EML5: variants seen among roughly 807,000 people sequenced by gnomAD.
EML5 encodes EMAP like 5.
EML5 carries 120 observed loss-of-function variants against 250.0 expected under a neutral mutation model. That is an observed-to-expected ratio of 0.48 (90% CI 0.41 to 0.56). The LOEUF is 0.56. Ranked by LOEUF, EML5 falls within the 20% of genes least tolerant of loss-of-function variation. The pLI, the probability that EML5 is intolerant of heterozygous loss-of-function variation, is 0.00. For synonymous variants in EML5, 771 were observed against 806.5 expected (o/e 0.96, Z 0.75); for missense variants, 2,006 against 2,437.6 (o/e 0.82, Z 3.73).
At chr14:88,713,619 ATTT>A (rs71130004) in intron 9 of EML5, among the ~76,000 whole-genome samples, 1 of 130,208 alleles carries the variant, frequency 7.7e-6, no homozygotes, top group Non-Finnish European at 1.6e-5. Context: ...CAACCTGCTC[ATTT>A]TTTTTTTTTT....
At chr14:88,618,113 A>G (rs1595186509) in intron 41 of EML5, 115 bp downstream of exon 41, 1 of 758,874 alleles carries the variant, frequency 1.3e-6, no homozygotes, top group East Asian at 2.7e-5. Context: ...TATGGTAACA[A>G]AAACTTGAAA....
At chr14:88,701,961 G>A (rs947112897) in intron 14 of EML5, among the ~76,000 whole-genome samples, 2 of 152,036 alleles carry the variant, frequency 1.3e-5, no homozygotes, top group African/African-American at 4.8e-5. Context: ...CATATAGAGA[G>A]GTATCAGTTA....
chr14:88,758,848 A>G (rs1008924209), intron 1 of EML5, among the ~76,000 whole-genome samples: 1 of 152,240 alleles, frequency 6.6e-6, no homozygotes, highest in African/African-American at 2.4e-5. Flanking sequence ...GCATTAATAC[A>G]TGCTACAACA....
In EML5 at chr14:88,614,615, A is replaced by G. The variant is rs1470160586; in HGVS notation, c.*1203T>C. 1 of 152,238 alleles carries G rather than the reference A, an allele frequency of 6.6e-6. No individual in the cohort carries two copies. Among genetic ancestry groups the G allele is most frequent in the Non-Finnish European group, 1.5e-5 (1 of 68,042 alleles). The allele number at this position is 152,238 out of a possible 1,614,324, so 9.4% of individuals were successfully genotyped here. A position where few individuals can be genotyped will look rare whatever the true frequency, so the allele number is the denominator to read the frequency against. On this transcript the variant is annotated 3_prime_UTR_variant, in exon 44 of 44. Coordinates refer to ENST00000554922, the MANE Select transcript of EML5 (RefSeq NM_183387.3). Reference sequence around the variant, plus strand: ...TCTTAAACCTCACACTTAGAAAAATATATTTTTAAATAGCAGTCTACATAA... The same window carrying G: ...TCTTAAACCTCACACTTAGAAAAATGTATTTTTAAATAGCAGTCTACATAA...
chr14:88,746,090 G>T, intron 3 of EML5, 95 bp downstream of exon 3: 1 of 936,514 alleles, frequency 1.1e-6, no homozygotes. Context: ...TGACCTATCT[G>T]GCAATAACAA....
Position 88,714,954 on chromosome 14 carries a change from A to G in EML5, c.1429T>C (p.Phe477Leu). ...QTNDGNGKRL[F>L]YRMPGGKEVT... ...AAATTGTTACCTGGCATTCTATAAA[A>G]AAGTCTTTTCCCATTTCCATCATTT... Residue 477 changes from phenylalanine to leucine, a missense_variant, in exon 9 of 44, where the codon TTT becomes CTT. By Grantham distance (22) the Phe-to-Leu change is conservative (BLOSUM62 0). Coordinates refer to ENST00000554922, the MANE Select transcript of EML5 (RefSeq NM_183387.3). 3 of 1,612,058 alleles carry G rather than the reference A, an allele frequency of 1.9e-6. No individual in the cohort carries two copies. Among genetic ancestry groups the G allele is most frequent in the Non-Finnish European group, 2.5e-6 (3 of 1,179,020 alleles).
chr14:88,644,802 C>G (rs374722194), intron 29 of EML5: 88 of 209,654 alleles, frequency 4.2e-4, no homozygotes, highest in African/African-American at 2.0e-3. Context: ...CCTCTGCCTC[C>G]TGGATTCAAG....
Position 88,691,632 on chromosome 14 carries a change from C to T in EML5, c.2539+2675G>A, listed in dbSNP as rs142660720. Among the ~76,000 whole-genome samples the T allele has an allele frequency of 1.0e-3, 156 of 152,290 alleles. No individual in the cohort carries two copies. In the East Asian group the frequency reaches 0.018, roughly 17 times the overall value. ...GATTAATAAATCATAACTTGAAATT[C>T]TCAAAGCCTAGATCTGGAATGGGAG... On this transcript the variant is annotated intron_variant, in intron 17 of 43. Transcript: ENST00000554922.
chr14:88,788,804 T>C (rs1228283067), intron 1 of EML5, among the ~76,000 whole-genome samples: 7 of 151,498 alleles, frequency 4.6e-5, no homozygotes, highest in Admixed American at 1.3e-4. Context: ...ACATCTGTAA[T>C]CCCAACACTT....
At chr14:88,681,501 C>T (rs748946484) in intron 21 of EML5, among the ~76,000 whole-genome samples, 3 of 152,174 alleles carry the variant, frequency 2.0e-5, no homozygotes, top group Non-Finnish European at 4.4e-5. Context: ...TTACAATATC[C>T]TTCCTCAGCT....
intron 1 of EML5, among the ~76,000 whole-genome samples, chr14:88,784,359 T>G (rs867390153): frequency 1.3e-5 from 2 of 151,062 alleles, no homozygotes; most frequent in Non-Finnish European, 3.0e-5. Context: ...CAAAAAGTTG[T>G]TTTTTTTTAA....
chr14:88,653,285 A>C (rs953684656), intron 27 of EML5, among the ~76,000 whole-genome samples: 5 of 152,266 alleles, frequency 3.3e-5, no homozygotes, highest in African/African-American at 7.2e-5. Flanking sequence ...AATACCATTT[A>C]TTTCTTTCTC....
chr14:88,721,921 GA>G (rs1416410758), intron 8 of EML5, among the ~76,000 whole-genome samples: 1 of 151,828 alleles, frequency 6.6e-6, no homozygotes, highest in Non-Finnish European at 1.5e-5. Context: ...AAATTTACAA[GA>G]AAAAAACAAC....
chr14:88,661,781 C>G lies in EML5; in HGVS notation c.3548G>C (p.Cys1183Ser). ...ASWTSVLGLC[C>S]EGIWPVIGEV... ...TCCAATTACTGGCCAAATTCCTTCA[C>G]AGCATAAACCAAGTACACTTGTCCA... Residue 1183 changes from cysteine (C) to serine (S), a missense_variant, in exon 25 of 44, where the codon TGT becomes TCT. By Grantham distance (112) the Cys-to-Ser change is moderately radical (BLOSUM62 -1). Transcript: ENST00000554922. The G allele has an allele frequency of 6.2e-7, 1 of 1,613,682 alleles. No individual in the cohort carries two copies. Among genetic ancestry groups the G allele is most frequent in the Non-Finnish European group, 8.5e-7 (1 of 1,179,772 alleles).
intron 5 of EML5, 99 bp from the exon 6 acceptor site, chr14:88,739,113 G>T: frequency 8.5e-7 from 1 of 1,182,556 alleles, no homozygotes. Flanking sequence ...CAATATTTTG[G>T]TAGGATATAA....
chr14:88,736,671 C>G, intron 6 of EML5, 106 bp from the exon 7 acceptor site: 1 of 1,053,560 alleles, frequency 9.5e-7, no homozygotes, highest in Admixed American at 2.2e-5. Context: ...TGAAAGCCAA[C>G]CTTCAAACCT....
intron 31 of EML5, among the ~76,000 whole-genome samples, chr14:88,641,150 G>C (rs2091041343): frequency 1.3e-5 from 2 of 152,090 alleles, no homozygotes; most frequent in Admixed American, 6.5e-5. Flanking sequence ...CCCTGGACCA[G>C]ATGGATTCAG....
At chr14:88,703,303 C>T (rs1036354675) in intron 13 of EML5, among the ~76,000 whole-genome samples, 6 of 152,068 alleles carry the variant, frequency 3.9e-5, no homozygotes, top group African/African-American at 1.4e-4. Context: ...AACTAAGTAA[C>T]AGTAACTATC....
intron 27 of EML5, among the ~76,000 whole-genome samples, chr14:88,652,213 A>G (rs1595377896): frequency 6.6e-6 from 1 of 152,114 alleles, no homozygotes; most frequent in Non-Finnish European, 1.5e-5. Flanking sequence ...AAACTGGATG[A>G]TCACTCTCCA....
Sources: allele counts gnomAD v4.1 joint callset (sites outside exome capture counted in the v4.1 genomes callset), GRCh38; gene constraint gnomAD v4.1.1; transcripts MANE v1.5; gene names NCBI Gene and HGNC (gene_info 2026-07-23, HGNC 2026-07-21).